Variants in GALNTL6 observed in about 807,000 individuals in gnomAD.
The protein encoded by GALNTL6 is polypeptide N-acetylgalactosaminyltransferase like 6.
A neutral mutation model predicts 73.7 loss-of-function variants in GALNTL6; 46 were observed. The ratio of observed to expected loss-of-function variants is 0.62; its 90% CI spans 0.49 to 0.80. The LOEUF (loss-of-function observed/expected upper bound fraction) is 0.80, where lower values mean the gene tolerates loss of function less well. GALNTL6 is among the 30% of genes least tolerant of loss of function. GALNTL6 has a pLI of 0.00. For missense variants in GALNTL6, 604 were observed against 755.0 expected (o/e 0.80, Z 2.34); for synonymous variants, 259 against 263.7 (o/e 0.98, Z 0.17).
At chr4:172,529,707 T>A (rs1215635414) in intron 5 of GALNTL6, among the ~76,000 whole-genome samples, 2 of 148,038 alleles carry the variant, frequency 1.4e-5, no homozygotes, top group Admixed American at 1.4e-4. Flanking sequence ...GTTGTTGAGA[T>A]GGAGTCTTGC....
At chr4:171,989,527 C>A (rs921725056) in intron 2 of GALNTL6, among the ~76,000 whole-genome samples, 9 of 152,138 alleles carry the variant, frequency 5.9e-5, no homozygotes, top group Admixed American at 5.2e-4. Flanking sequence ...CTGGAGGAAC[C>A]CCTGGCAGCT....
intron 3 of GALNTL6, among the ~76,000 whole-genome samples, chr4:172,303,714 T>C (rs2111127396): frequency 6.6e-6 from 1 of 152,310 alleles, no homozygotes; most frequent in Non-Finnish European, 1.5e-5. Flanking sequence ...TTAACAAAAC[T>C]CCCTAATACA....
intron 2 of GALNTL6, among the ~76,000 whole-genome samples, chr4:171,922,932 A>C (rs545711490): frequency 6.6e-6 from 1 of 152,238 alleles, no homozygotes; most frequent in East Asian, 1.9e-4. Flanking sequence ...TTATTGTCTC[A>C]AGATACATAA....
At chr4:172,479,824 G>T (rs1389457404) in intron 5 of GALNTL6, among the ~76,000 whole-genome samples, 3 of 152,184 alleles carry the variant, frequency 2.0e-5, no homozygotes, top group Non-Finnish European at 4.4e-5. Context: ...GTGTTTGTGT[G>T]CTTTTTATAA....
intron 2 of GALNTL6, among the ~76,000 whole-genome samples, chr4:172,045,764 A>G (rs1742200774): frequency 1.5e-5 from 2 of 135,296 alleles, no homozygotes; most frequent in Non-Finnish European, 3.1e-5. Context: ...CAATAGAACT[A>G]AAAAAAAAAA....
intron 5 of GALNTL6, among the ~76,000 whole-genome samples, chr4:172,403,248 G>T (rs1235014361): frequency 1.3e-5 from 2 of 151,830 alleles, no homozygotes; most frequent in South Asian, 2.1e-4. Flanking sequence ...TATAGAATGG[G>T]ATCTTTTTGT....
intron 2 of GALNTL6, among the ~76,000 whole-genome samples, chr4:172,020,344 T>A (rs943723252): frequency 6.9e-6 from 1 of 144,152 alleles, no homozygotes; most frequent in African/African-American, 2.5e-5. Flanking sequence ...ATGAAGAAAA[T>A]AATACAAAAG....
At chr4:171,914,787 A>AAAAAAAC (rs1553969662) in intron 2 of GALNTL6, among the ~76,000 whole-genome samples, 78 of 151,830 alleles carry the variant, frequency 5.1e-4, no homozygotes, top group African/African-American at 1.8e-3. Context: ...TGATAAAAAA[A>AAAAAAAC]AAAAAACTAT....
At chr4:172,445,090 T>C (rs1333051698) in intron 5 of GALNTL6, among the ~76,000 whole-genome samples, 1 of 152,144 alleles carries the variant, frequency 6.6e-6, no homozygotes, top group Non-Finnish European at 1.5e-5. Context: ...CCCCAGCCTA[T>C]AACCAGGGCA....
At chr4:172,272,062 C>T (rs921416417) in intron 3 of GALNTL6, among the ~76,000 whole-genome samples, 2 of 152,052 alleles carry the variant, frequency 1.3e-5, no homozygotes, top group East Asian at 3.9e-4. Flanking sequence ...AAGTGATTCT[C>T]CTGCTTCAGC....
chr4:172,375,792 G>A (rs1329697051), intron 5 of GALNTL6, among the ~76,000 whole-genome samples: 3 of 152,056 alleles, frequency 2.0e-5, no homozygotes, highest in African/African-American at 4.8e-5. Flanking sequence ...AAGAAAAATC[G>A]GGTTTAGTGG....
intron 10 of GALNTL6, among the ~76,000 whole-genome samples, chr4:172,993,798 T>A (rs902465354): frequency 2.0e-5 from 3 of 152,192 alleles, no homozygotes; most frequent in Non-Finnish European, 2.9e-5. Context: ...GGCACATGCA[T>A]GTACTCCCAG....
intron 5 of GALNTL6, among the ~76,000 whole-genome samples, chr4:172,500,360 G>A (rs1262806113): frequency 6.6e-6 from 1 of 152,192 alleles, no homozygotes; most frequent in African/African-American, 2.4e-5. Context: ...GATCGAGGCT[G>A]TAGTGAGCCA....
chr4:172,348,211 A>G (rs921522445), intron 4 of GALNTL6, among the ~76,000 whole-genome samples: 2 of 152,230 alleles, frequency 1.3e-5, no homozygotes, highest in Admixed American at 1.3e-4. Context: ...CATATTACTC[A>G]TCCTTATTTC....
intron 3 of GALNTL6, among the ~76,000 whole-genome samples, chr4:172,310,101 C>T (rs1740298302): frequency 6.6e-6 from 1 of 151,970 alleles, no homozygotes; most frequent in Admixed American, 6.6e-5. Context: ...AAAAAGAATA[C>T]AGTAAGAAAT....
chr4:171,977,354 C>T (rs1739752357), intron 2 of GALNTL6, among the ~76,000 whole-genome samples: 1 of 152,058 alleles, frequency 6.6e-6, no homozygotes, highest in African/African-American at 2.4e-5. Flanking sequence ...TCTAGGACTG[C>T]CATAATAAAG....
At chr4:172,136,291 C>T (rs1215979497) in intron 2 of GALNTL6, among the ~76,000 whole-genome samples, 1 of 151,944 alleles carries the variant, frequency 6.6e-6, no homozygotes, top group Non-Finnish European at 1.5e-5. Context: ...AAATCTAGAT[C>T]ACATTGAAAA....
intron 5 of GALNTL6, among the ~76,000 whole-genome samples, chr4:172,696,513 G>A (rs113559304): frequency 2.4e-4 from 37 of 152,006 alleles, no homozygotes; most frequent in Non-Finnish European, 3.8e-4. Context: ...TAATTCCCAC[G>A]TGTCATGGGA....
intron 5 of GALNTL6, among the ~76,000 whole-genome samples, chr4:172,699,072 A>C (rs1169553393): frequency 6.6e-6 from 1 of 152,168 alleles, no homozygotes; most frequent in Non-Finnish European, 1.5e-5. Flanking sequence ...GTTCATAGAA[A>C]GAGCCTTATA....
Sources: allele counts gnomAD v4.1 joint callset (sites outside exome capture counted in the v4.1 genomes callset), GRCh38; gene constraint gnomAD v4.1.1; transcripts MANE v1.5; gene names NCBI Gene and HGNC (gene_info 2026-07-23, HGNC 2026-07-21).